Variants in STXBP5 observed in about 807,000 individuals in gnomAD.
The protein encoded by STXBP5 is syntaxin binding protein 5.
In STXBP5, 50 loss-of-function variants were observed where a neutral mutation model predicts 152.4. The observed-to-expected ratio is 0.33, with a 90% CI of 0.26 to 0.42. The LOEUF (loss-of-function observed/expected upper bound fraction) is 0.42. Among genes scored for constraint, STXBP5 ranks in the 10% least tolerant of loss-of-function variants. The probability of loss-of-function intolerance (pLI) is 1.00; values close to 1 mark genes in which losing one functional copy is unlikely to be tolerated. For missense variants in STXBP5, 1,167 were observed against 1,388.6 expected (o/e 0.84, Z 2.54); for synonymous variants, 492 against 494.7 (o/e 0.99, Z 0.07).
intron 2 of STXBP5, among the ~76,000 whole-genome samples, chr6:147,224,360 G>A (rs1777606812): frequency 6.6e-6 from 1 of 152,232 alleles, no homozygotes; most frequent in African/African-American, 2.4e-5. Flanking sequence ...CCGGGAGGCA[G>A]AGGTCGTAGG....
chr6:147,290,537 A>G (rs1001822583), intron 8 of STXBP5, among the ~76,000 whole-genome samples: 1 of 152,190 alleles, frequency 6.6e-6, no homozygotes, highest in African/African-American at 2.4e-5. Context: ...GATAACTGAA[A>G]TCAACATTTT....
chr6:147,359,115 G>C lies in STXBP5; in HGVS notation c.2337G>C (p.Arg779=). The part of the protein sequence containing the change: ...DVKDNSFSRS[R]SSSVTSIDKE... Reference sequence around the variant, plus strand: ...AGGATAACTCCTTTAGCCGATCACGGAGTTCAAGTGTAACAAGCATTGACA... The same window carrying C: ...AGGATAACTCCTTTAGCCGATCACGCAGTTCAAGTGTAACAAGCATTGACA... Residue 779 remains arginine, a synonymous_variant, in exon 23 of 28, where the codon CGG becomes CGC. Transcript: ENST00000321680. The C allele has an allele frequency of 1.2e-6, 2 of 1,613,900 alleles. No homozygotes were observed. The highest frequency in any genetic ancestry group is 1.7e-6 in the Non-Finnish European group (2 of 1,179,886).
intron 21 of STXBP5, among the ~76,000 whole-genome samples, chr6:147,346,646 AGGAGAATTGCTCGAACCCAGGCGGC>A (rs1367109929): frequency 1.3e-5 from 2 of 152,062 alleles, no homozygotes; most frequent in African/African-American, 4.8e-5. Flanking sequence ...AGGCTGAGGC[AGGAGAATTGCTCGAACCCAGGCGGC>A]GGAGGTTGCA....
intron 3 of STXBP5, 122 bp from the exon 4 acceptor site, chr6:147,239,047 AG>A: frequency 1.3e-6 from 1 of 773,250 alleles, no homozygotes; most frequent in Non-Finnish European, 2.0e-6. Flanking sequence ...AATGTTTCTT[AG>A]ATCTAAATCT....
At chr6:147,373,955 C>G in intron 26 of STXBP5, 113 bp downstream of exon 26, 2 of 608,940 alleles carry the variant, frequency 3.3e-6, no homozygotes, top group Middle Eastern at 3.8e-4. Flanking sequence ...GTCACAATTA[C>G]TATTTCCATG....
chr6:147,373,336 A>C (rs1785649408), intron 25 of STXBP5, among the ~76,000 whole-genome samples: 1 of 143,418 alleles, frequency 7.0e-6, no homozygotes, highest in Admixed American at 7.4e-5. Context: ...ACTGCACTCC[A>C]ACCTGGGTGA....
chr6:147,348,435 G>A (rs192162570), intron 21 of STXBP5, among the ~76,000 whole-genome samples: 17 of 151,012 alleles, frequency 1.1e-4, no homozygotes, highest in African/African-American at 3.9e-4. Context: ...GTAGATAAGC[G>A]ATAACTAGTT....
intron 4 of STXBP5, 65 bp downstream of exon 4, chr6:147,239,335 C>G (rs921781146): frequency 2.5e-5 from 36 of 1,454,778 alleles, no homozygotes; most frequent in Non-Finnish European, 3.3e-5. Context: ...GAATTTCAGT[C>G]TTTGATTTTT....
Position 147,245,312 on chromosome 6 carries a change from T to A in STXBP5, c.431+6042T>A, listed in dbSNP as rs184430735. On this transcript the variant is annotated intron_variant, in intron 4 of 27. Transcript: ENST00000321680. Reference sequence around the variant, plus strand: ...ACCAGGATGCAAGATGGAATTTTTTTAAATCAGCAAACAAAAGAAAAAGTA... The same window carrying A: ...ACCAGGATGCAAGATGGAATTTTTTAAAATCAGCAAACAAAAGAAAAAGTA... Among the ~76,000 whole-genome samples, 577 of 152,286 alleles carry A rather than the reference T, an allele frequency of 3.8e-3. 2 individuals are homozygous for A. The highest frequency in any genetic ancestry group is 7.5e-3 in the Admixed American group (115 of 15,304).
In STXBP5 at chr6:147,385,380, G is replaced by A. The variant is rs911626474; in HGVS notation, c.*625G>A. ...GTGTATGAGCTACTCTTGGATTCTT[G>A]TTATTATAGACTTGTATTTAGTTCA... On this transcript the variant is annotated 3_prime_UTR_variant, in exon 28 of 28. Transcript: ENST00000321680. The A allele has an allele frequency of 2.0e-5, 3 of 152,040 alleles. No individual in the cohort carries two copies. The highest frequency in any genetic ancestry group is 7.2e-5 in the African/African-American group (3 of 41,422). The allele number at this position is 152,040 out of a possible 1,614,324, so 9.4% of individuals were successfully genotyped here.
intron 19 of STXBP5, among the ~76,000 whole-genome samples, chr6:147,337,483 GT>G (rs1482520043): frequency 6.6e-6 from 1 of 151,910 alleles, no homozygotes; most frequent in African/African-American, 2.4e-5. Context: ...AGTATTTTTA[GT>G]TAGAAGAAAA....
Position 147,363,868 on chromosome 6 carries a change from A to G in STXBP5, c.2916-133A>G. 5.9e-6 allele frequency: 8 copies of G among 1,363,150 alleles called. No homozygotes were observed. The South Asian group carries it at 1.0e-4, about 17-fold the overall frequency. The allele number at this position is 1,363,150 out of a possible 1,614,324, so 84.4% of individuals were successfully genotyped here. ...AACAAGTATATGAGGAGTATAAACC[A>G]TTTTTTATCTCCCACTCAAGTATAC... On this transcript the variant is annotated intron_variant, in intron 24 of 27. Coordinates refer to ENST00000321680, the MANE Select transcript of STXBP5 (RefSeq NM_001127715.4).
chr6:147,305,917 G>A (rs1782067558), intron 9 of STXBP5, among the ~76,000 whole-genome samples: 2 of 152,020 alleles, frequency 1.3e-5, no homozygotes, highest in African/African-American at 4.8e-5. Context: ...AATTGTTGAG[G>A]GTTTGGTAAA....
chr6:147,215,887 A>G (rs535744969), intron 2 of STXBP5, among the ~76,000 whole-genome samples: 64 of 152,250 alleles, frequency 4.2e-4, no homozygotes, highest in Admixed American at 1.2e-3. Flanking sequence ...TTGACTTCCT[A>G]ATTTTAATTA....
At chr6:147,333,038 C>T (rs1783656159) in intron 18 of STXBP5, among the ~76,000 whole-genome samples, 1 of 152,124 alleles carries the variant, frequency 6.6e-6, no homozygotes, top group Non-Finnish European at 1.5e-5. Flanking sequence ...CTAGTCACGT[C>T]ATAAAACTGG....
intron 9 of STXBP5, among the ~76,000 whole-genome samples, chr6:147,295,487 A>G (rs1468827586): frequency 3.3e-5 from 5 of 152,186 alleles, no homozygotes; most frequent in African/African-American, 1.2e-4. Flanking sequence ...AAAAGAACAG[A>G]CAACTAAAAT....
At chr6:147,308,533 A>G (rs1350718104) in intron 9 of STXBP5, among the ~76,000 whole-genome samples, 1 of 152,152 alleles carries the variant, frequency 6.6e-6, no homozygotes, top group Non-Finnish European at 1.5e-5. Context: ...TGGATGCAGC[A>G]ATGAACAAAT....
At chr6:147,282,438 T>C (rs925479398) in intron 8 of STXBP5, among the ~76,000 whole-genome samples, 4 of 152,194 alleles carry the variant, frequency 2.6e-5, no homozygotes, top group Admixed American at 6.5e-5. Context: ...GTGAAATACC[T>C]TGTGGAGATT....
At chr6:147,219,059 A>G (rs1351877709) in intron 2 of STXBP5, among the ~76,000 whole-genome samples, 1 of 152,106 alleles carries the variant, frequency 6.6e-6, no homozygotes, top group African/African-American at 2.4e-5. Flanking sequence ...GTGTTTTGCT[A>G]TTAAGTGTGT....
Sources: gnomAD v4.1 joint callset for allele counts (sites outside exome capture counted in the v4.1 genomes callset) on GRCh38, gnomAD v4.1.1 for gene constraint, MANE v1.5 for transcripts, NCBI Gene and HGNC (gene_info 2026-07-23, HGNC 2026-07-21) for gene names.